MRPS17: variants seen among roughly 807,000 people sequenced by gnomAD.
MRPS17 encodes the protein mitochondrial ribosomal protein S17, also known as small ribosomal subunit protein uS17m.
A neutral mutation model predicts 11.3 loss-of-function variants in MRPS17; 6 were observed. The ratio of observed to expected loss-of-function variants is 0.53; its 90% CI spans 0.29 to 1.05. The LOEUF (loss-of-function observed/expected upper bound fraction) is 1.05. MRPS17 is among the 50% of genes least tolerant of loss of function. MRPS17 has a pLI of 0.08. For synonymous variants in MRPS17, 56 were observed against 60.4 expected (o/e 0.93, Z 0.34); for missense variants, 139 against 153.6 (o/e 0.90, Z 0.50).
chr7:55,953,922 A>G (rs953716951), intron 2 of MRPS17, among the ~76,000 whole-genome samples: 2 of 152,130 alleles, frequency 1.3e-5, no homozygotes. Flanking sequence ...TGCTGGCTCA[A>G]CGCCACTCAC....
intron 2 of MRPS17, 111 bp downstream of exon 2, chr7:55,953,429 T>G: frequency 6.8e-7 from 1 of 1,467,044 alleles, no homozygotes; most frequent in Non-Finnish European, 9.2e-7. Context: ...CTCATCTGCT[T>G]TGAGCCAGGC....
chr7:55,953,567 A>G (rs918630087), intron 2 of MRPS17, among the ~76,000 whole-genome samples: 22 of 152,172 alleles, frequency 1.4e-4, no homozygotes, highest in African/African-American at 5.1e-4. Flanking sequence ...CACACCTGTA[A>G]TCCCAGCACT....
At chr7:55,953,030 T>TAAA in intron 1 of MRPS17, 149 bp from the exon 2 acceptor site, 2 of 898,488 alleles carry the variant, frequency 2.2e-6, no homozygotes, top group South Asian at 3.5e-5. Flanking sequence ...AGACTACATC[T>TAAA]AAAAAAAAAC....
intron 2 of MRPS17, among the ~76,000 whole-genome samples, chr7:55,954,092 T>A (rs1786691049): frequency 6.6e-6 from 1 of 151,898 alleles, no homozygotes; most frequent in African/African-American, 2.4e-5. Flanking sequence ...GCTGCAAAAG[T>A]CTAGGATGGA....
rs149554551 is a variant in MRPS17 at position 55,953,298 on chromosome 7, C to T, written c.103C>T (p.Leu35=). The change falls in exon 2 of 3, where the codon CTG becomes TTG. Residue 35 remains leucine, a synonymous_variant. Transcript: ENST00000285298. ...TAAAGTGAGAGTGACCAGGCTTGTT[C>T]TGGATCCCTATTTATTAAAGGTGAG... ...TAKVRVTRLV[L]DPYLLKYFNK... 1 of 1,613,704 alleles carries T rather than the reference C, an allele frequency of 6.2e-7. No individual in the cohort carries two copies. Among genetic ancestry groups the T allele is most frequent in the African/African-American group, 1.3e-5 (1 of 74,880 alleles).
At chr7:55,953,791 C>T (rs1215175152) in intron 2 of MRPS17, among the ~76,000 whole-genome samples, 4 of 146,518 alleles carry the variant, frequency 2.7e-5, no homozygotes, top group Non-Finnish European at 6.0e-5. Flanking sequence ...CATTGCACTC[C>T]ATCCTGGACA....
At chr7:55,953,730 G>A (rs7796245) in intron 2 of MRPS17, among the ~76,000 whole-genome samples, 49 of 152,200 alleles carry the variant, frequency 3.2e-4, no homozygotes, top group Non-Finnish European at 2.2e-4. Context: ...GCTGAGGCAG[G>A]AGAATCTCTT....
At position 55,955,172 on chromosome 7, in the gene MRPS17, A is replaced by C. The variant is rs777871919; in HGVS notation, c.387A>C (p.Ala129=). 20 of 1,612,604 alleles carry C rather than the reference A, an allele frequency of 1.2e-5. No homozygotes were observed. In the South Asian group the frequency reaches 2.2e-4, roughly 18 times the overall value. Reference sequence around the variant, plus strand: ...TGGAAGAACTCAATATCTCTTCAGCACAGTGAAGCGGGAGTGGAAGAAGGA... The same window carrying C: ...TGGAAGAACTCAATATCTCTTCAGCCCAGTGAAGCGGGAGTGGAAGAAGGA... ...KNLEELNISS[A]Q Residue 129 remains alanine, a synonymous_variant, in exon 3 of 3, where the codon GCA becomes GCC. Transcript: ENST00000285298.
intron 1 of MRPS17, among the ~76,000 whole-genome samples, chr7:55,952,807 G>A (rs554741994): frequency 1.3e-5 from 2 of 151,818 alleles, no homozygotes; most frequent in Admixed American, 6.6e-5. Context: ...CGAGGCGGGC[G>A]GATCACGAGG....
At chr7:55,952,103 G>GGCTTCGGAACCCCAACCTTTCC (rs543650761) in intron 1 of MRPS17, 173 bp downstream of exon 1, 6 of 152,288 alleles carry the variant, frequency 3.9e-5, no homozygotes, top group African/African-American at 1.4e-4. Flanking sequence ...GAAGCCTGGT[G>GGCTTCGGAACCCCAACCTTTCC]GAATGGCTTG....
At chr7:55,953,447 T>C in intron 2 of MRPS17, 129 bp downstream of exon 2, 2 of 1,328,870 alleles carry the variant, frequency 1.5e-6, no homozygotes, top group South Asian at 2.8e-5. Flanking sequence ...GGCATTTTGC[T>C]GGTCTGTAGG....
intron 2 of MRPS17, among the ~76,000 whole-genome samples, chr7:55,953,942 T>TGC (rs1432024976): frequency 6.6e-6 from 1 of 152,156 alleles, no homozygotes; most frequent in African/African-American, 2.4e-5. Context: ...CCTCCTGCTG[T>TGC]GCGGCCCTGT....
Position 55,955,125 on chromosome 7 carries a change from A to G in MRPS17, c.340A>G (p.Thr114Ala). 1 of 1,614,154 alleles carries G rather than the reference A, an allele frequency of 6.2e-7. No individual in the cohort carries two copies. Among genetic ancestry groups the G allele is most frequent in the South Asian group, 1.1e-5 (1 of 91,084 alleles). Residue 114 changes from threonine to alanine, a missense_variant, in exon 3 of 3, where the codon ACC becomes GCC. Physicochemically the swap from Thr to Ala is moderately conservative, Grantham distance 58. Transcript: ENST00000285298. Reference protein sequence around the residue: ...TYLESPLSSETTQLSKNLEEL... With the variant: ...TYLESPLSSEATQLSKNLEEL... ...CCTGGAGAGTCCGTTGAGTTCGGAA[A>G]CCACCCAGCTAAGCAAAAATCTGGA...
Position 55,954,907 on chromosome 7 carries a change from A to G in MRPS17, c.124-2A>G, listed in dbSNP as rs1408562291. 5 of 1,612,184 alleles carry G rather than the reference A, an allele frequency of 3.1e-6. No individual in the cohort carries two copies. The highest frequency in any genetic ancestry group is 2.2e-5 in the East Asian group (1 of 44,864). ...GATTTGCTTCTCTCCCTCTCTCAAC[A>G]GTATTTTAATAAGCGGAAAACCTAC... On this transcript the variant is annotated splice_acceptor_variant, in intron 2 of 2. Coordinates refer to ENST00000285298, the MANE Select transcript of MRPS17 (RefSeq NM_015969.3). LOFTEE classifies it high-confidence loss of function.
chr7:55,952,803 G>C (rs1427077378), intron 1 of MRPS17, among the ~76,000 whole-genome samples: 1 of 151,874 alleles, frequency 6.6e-6, no homozygotes, highest in Non-Finnish European at 1.5e-5. Flanking sequence ...AGGCCGAGGC[G>C]GGCGGATCAC....
At chr7:55,953,901 G>C (rs748020661) in intron 2 of MRPS17, among the ~76,000 whole-genome samples, 5 of 152,148 alleles carry the variant, frequency 3.3e-5, no homozygotes, top group African/African-American at 1.2e-4. Flanking sequence ...GAGCGCAGGC[G>C]GTAATACTCA....
At chr7:55,953,386 A>G in intron 2 of MRPS17, 68 bp downstream of exon 2, 1 of 1,581,824 alleles carries the variant, frequency 6.3e-7, no homozygotes, top group Non-Finnish European at 8.6e-7. Flanking sequence ...CTAAGCAAAA[A>G]AACATTTATC....
In MRPS17 at chr7:55,956,134, T is replaced by G. The variant is rs1786724150; in HGVS notation, c.*956T>G. 6.6e-6 allele frequency: 1 copy of G among 152,196 alleles called. No individual in the cohort carries two copies. The highest frequency in any genetic ancestry group is 1.5e-5 in the Non-Finnish European group (1 of 68,148). The allele number at this position is 152,196 out of a possible 1,614,324, so 9.4% of individuals were successfully genotyped here. On this transcript the variant is annotated 3_prime_UTR_variant, in exon 3 of 3. Coordinates refer to ENST00000285298, the MANE Select transcript of MRPS17 (RefSeq NM_015969.3). ...ATTTTGAAGGAAGAAAGTCTTTTTTTTTTTTGAGCTGGAGTTTCACTCTTG... is the reference window on the plus strand; with the variant it reads ...ATTTTGAAGGAAGAAAGTCTTTTTTGTTTTTGAGCTGGAGTTTCACTCTTG...
Position 55,953,185 on chromosome 7 carries a change from A to G in MRPS17, c.-11A>G, listed in dbSNP as rs778447959. The G allele has an allele frequency of 1.9e-6, 3 of 1,613,424 alleles. No homozygotes were observed. Among genetic ancestry groups the G allele is most frequent in the Admixed American group, 3.3e-5 (2 of 59,760 alleles). The stretch of plus-strand genomic sequence containing the variant: ...TTTGGAATTTGCTTTTCAGGTGACC[A>G]AAGCCACGTAATGTCCGTAGTTCGC... On this transcript the variant is annotated 5_prime_UTR_variant, in exon 2 of 3. Coordinates refer to ENST00000285298, the MANE Select transcript of MRPS17 (RefSeq NM_015969.3).
Sources: allele counts gnomAD v4.1 joint callset (sites outside exome capture counted in the v4.1 genomes callset), GRCh38; gene constraint gnomAD v4.1.1; transcripts MANE v1.5; gene names NCBI Gene and HGNC (gene_info 2026-07-23, HGNC 2026-07-21).